The following GALNT10 variants were observed in gnomAD, a reference collection of about 807,000 sequenced individuals.
The protein encoded by GALNT10 is polypeptide N-acetylgalactosaminyltransferase 10, also known as GalNAc transferase 10.
GALNT10 carries 41 observed loss-of-function variants against 75.0 expected under a neutral mutation model. The observed-to-expected ratio is 0.55, with a 90% CI of 0.43 to 0.71. The LOEUF (loss-of-function observed/expected upper bound fraction) is 0.71. GALNT10 is among the 30% of genes least tolerant of loss of function. The pLI, the probability that GALNT10 is intolerant of heterozygous loss-of-function variation, is 0.00. For synonymous variants in GALNT10, 302 were observed against 313.0 expected (o/e 0.96, Z 0.37); for missense variants, 727 against 818.5 (o/e 0.89, Z 1.36).
intron 3 of GALNT10, among the ~76,000 whole-genome samples, chr5:154,309,407 T>A (rs1287611852): frequency 6.6e-6 from 1 of 152,336 alleles, no homozygotes; most frequent in Non-Finnish European, 1.5e-5. Context: ...GAGAGTGACA[T>A]GATCTGATTT....
chr5:154,284,831 T>C (rs1442910056), intron 1 of GALNT10, among the ~76,000 whole-genome samples: 2 of 152,238 alleles, frequency 1.3e-5, no homozygotes, highest in Non-Finnish European at 2.9e-5. Flanking sequence ...ATTACACTCA[T>C]GTGGTGGTTG....
At chr5:154,250,064 C>A (rs1208436638) in intron 1 of GALNT10, among the ~76,000 whole-genome samples, 1 of 152,184 alleles carries the variant, frequency 6.6e-6, no homozygotes, top group East Asian at 1.9e-4. Context: ...AATTTTATTT[C>A]CTTTTCATTT....
chr5:154,220,801 A>C (rs1752965802), intron 1 of GALNT10, among the ~76,000 whole-genome samples: 3 of 152,222 alleles, frequency 2.0e-5, no homozygotes. Flanking sequence ...GGGTGAACAC[A>C]AATGGCCACA....
chr5:154,198,063 G>A (rs1774972223), intron 1 of GALNT10, among the ~76,000 whole-genome samples: 1 of 152,190 alleles, frequency 6.6e-6, no homozygotes, highest in African/African-American at 2.4e-5. Flanking sequence ...TAGCTGAAGT[G>A]GAGCACATAA....
Position 154,402,196 on chromosome 5 carries a change from G to A in GALNT10, c.1057-1908G>A, listed in dbSNP as rs1390690613. Among the ~76,000 whole-genome samples, 1 of 152,070 alleles carries A rather than the reference G, an allele frequency of 6.6e-6. No homozygotes were observed. On this transcript the variant is annotated intron_variant, in intron 7 of 11. Coordinates refer to ENST00000297107, the MANE Select transcript of GALNT10 (RefSeq NM_198321.4). This position sits in a 1 kb window ranked among gnomAD's most constrained non-coding sequence, Gnocchi z 4.2. ...TTGTTCTGCCCCGTGAGGGCCCTGCGGGAGCCCTGCCCGCGTCTCTGGCCT... is the reference window on the plus strand; with the variant it reads ...TTGTTCTGCCCCGTGAGGGCCCTGCAGGAGCCCTGCCCGCGTCTCTGGCCT...
At chr5:154,394,109 A>G (rs1445494144) in intron 7 of GALNT10, among the ~76,000 whole-genome samples, 1 of 152,108 alleles carries the variant, frequency 6.6e-6, no homozygotes, top group African/African-American at 2.4e-5. Context: ...GGCTTGCAGG[A>G]GCAAGGGAGT....
Position 154,416,781 on chromosome 5 carries a change from T to G in GALNT10, c.1654-33T>G. The G allele has an allele frequency of 1.3e-6, 2 of 1,565,636 alleles. No homozygotes were observed. The highest frequency in any genetic ancestry group is 1.8e-6 in the Non-Finnish European group (2 of 1,136,342). On this transcript the variant is annotated intron_variant, in intron 11 of 11. Coordinates refer to ENST00000297107, the MANE Select transcript of GALNT10 (RefSeq NM_198321.4). This position sits in a 1 kb window ranked among gnomAD's most constrained non-coding sequence, Gnocchi z 4.5. ...GGTTTGACTGGCCACATGTCTCCAG[T>G]GCTGTCTGGCTTATTACCTCCATGT...
chr5:154,410,377 CAAAA>C (rs58402180), intron 9 of GALNT10, among the ~76,000 whole-genome samples: 3 of 87,002 alleles, frequency 3.4e-5, no homozygotes, highest in African/African-American at 7.4e-5. Flanking sequence ...CCTGTCTCTA[CAAAA>C]AAAAAAAAAA....
In GALNT10 at chr5:154,409,660, C is replaced by T. The variant is rs1756356240; in HGVS notation, c.1284C>T (p.Ser428=). 6.2e-7 allele frequency: 1 copy of T among 1,613,772 alleles called. No homozygotes were observed. The highest frequency in any genetic ancestry group is 8.5e-7 in the Non-Finnish European group (1 of 1,179,762). ...TCGCAGTCCAGAAAAAGCTCCGCAG[C>T]TCCCTTAACTGCAAGAGTTTCAAGT... is the stretch of plus-strand genomic sequence containing the variant. The part of the protein sequence containing the change: ...GDVAVQKKLR[S]SLNCKSFKWF... Residue 428 remains serine (S), a synonymous_variant, in exon 9 of 12, where the codon AGC becomes AGT. Transcript: ENST00000297107. The surrounding 1 kb of genome is among the most constrained non-coding windows in gnomAD (Gnocchi z 4.5).
rs1774846353 is a variant in GALNT10, at chr5:154,190,864, C to T, written c.-3C>T. The T allele has an allele frequency of 7.4e-7, 1 of 1,355,738 alleles. No individual in the cohort carries two copies. 84.0% of individuals were successfully genotyped at this position (1,355,738 alleles called of 1,614,324 possible). On this transcript the variant is annotated 5_prime_UTR_variant, in exon 1 of 12. Coordinates refer to ENST00000297107, the MANE Select transcript of GALNT10 (RefSeq NM_198321.4). The stretch of plus-strand genomic sequence containing the variant: ...CGGGGCGCGGCGGGGCTGACCGGCC[C>T]CGATGAGGCGGAAGGAGAAGCGGCT...
chr5:154,394,611 G>C (rs17116065), intron 7 of GALNT10, among the ~76,000 whole-genome samples: 1 of 152,120 alleles, frequency 6.6e-6, no homozygotes. Context: ...AGAGAGGCCC[G>C]TGTTCCAGGA....
intron 4 of GALNT10, among the ~76,000 whole-genome samples, chr5:154,346,485 A>G (rs1269550892): frequency 6.6e-6 from 1 of 152,212 alleles, no homozygotes; most frequent in Non-Finnish European, 1.5e-5. Flanking sequence ...CATTTTAGCT[A>G]ATTGCTAACA....
intron 7 of GALNT10, chr5:154,393,057 C>CACAAAAAAA (rs1755935291): frequency 1.3e-5 from 1 of 76,660 alleles, no homozygotes; most frequent in Non-Finnish European, 2.5e-5. Context: ...GAGGTCTCCA[C>CACAAAAAAA]AAAAAAAAAA....
chr5:154,337,983 G>A, intron 4 of GALNT10: 3 of 1,577,848 alleles, frequency 1.9e-6, no homozygotes, highest in Non-Finnish European at 2.6e-6. Context: ...GGTTACAAAG[G>A]CAAAGCCCCT....
chr5:154,294,907 C>G lies in GALNT10; in HGVS notation c.251C>G (p.Ala84Gly). ...GACAAGGAGGCCATCCGGAGGGACG[C>G]TCAGCGCGTAGGTACGGAGGGCAGG... ...WHDKEAIRRD[A>G]QRVGNGEQGR... The change falls in exon 2 of 12, where the codon GCT becomes GGT. Residue 84 changes from alanine (A) to glycine (G), a missense_variant. By Grantham distance (60) the Ala-to-Gly change is moderately conservative (BLOSUM62 0). Transcript: ENST00000297107. 1.3e-6 allele frequency: 2 copies of G among 1,550,888 alleles called. No homozygotes were observed.
At chr5:154,287,890 C>CTGTGTG (rs61253851) in intron 1 of GALNT10, among the ~76,000 whole-genome samples, 2,138 of 145,298 alleles carry the variant, frequency 0.015, 59 homozygotes, top group Admixed American at 0.083. Context: ...AATTGCTTTG[C>CTGTGTG]TGTGTGTGTG....
At chr5:154,218,170 C>T in intron 1 of GALNT10, 1 of 982,584 alleles carries the variant, frequency 1.0e-6, no homozygotes, top group Non-Finnish European at 1.2e-6. Flanking sequence ...CATTTTCTAA[C>T]AAGCCTGGGG....
chr5:154,395,801 G>C (rs1225322017), intron 7 of GALNT10, among the ~76,000 whole-genome samples: 1 of 152,220 alleles, frequency 6.6e-6, no homozygotes, highest in Non-Finnish European at 1.5e-5. Context: ...GTACGCGGTG[G>C]CTCCCAAGGT....
chr5:154,205,734 C>G (rs1489217745), intron 1 of GALNT10, among the ~76,000 whole-genome samples: 2 of 152,144 alleles, frequency 1.3e-5, no homozygotes, highest in Non-Finnish European at 2.9e-5. Flanking sequence ...GATGCAGAGA[C>G]AGAGAGGGAA....
Sources: allele counts gnomAD v4.1 joint callset (sites outside exome capture counted in the v4.1 genomes callset), GRCh38; gene constraint gnomAD v4.1.1; non-coding constraint Gnocchi (gnomAD v3.1); transcripts MANE v1.5; gene names NCBI Gene and HGNC (gene_info 2026-07-23, HGNC 2026-07-21).